PLD5: variants seen among roughly 807,000 people sequenced by gnomAD.
PLD5 encodes inactive phospholipase D5.
A neutral mutation model predicts 61.1 loss-of-function variants in PLD5; 36 were observed. That is an observed-to-expected ratio of 0.59 (90% CI 0.45 to 0.78). The LOEUF (loss-of-function observed/expected upper bound fraction) is 0.78. Ranked by LOEUF, PLD5 falls within the 30% of genes least tolerant of loss-of-function variation. The pLI, the probability that PLD5 is intolerant of heterozygous loss-of-function variation, is 0.00. For missense variants in PLD5, 515 were observed against 644.4 expected, an observed-to-expected ratio of 0.80 and a Z score of 2.17; for synonymous variants, 243 against 242.8, an observed-to-expected ratio of 1.00 and a Z score of -0.01.
chr1:242,107,616 C>T, intron 8 of PLD5, 55 bp downstream of exon 8: 1 of 1,465,944 alleles, frequency 6.8e-7, no homozygotes, highest in South Asian at 1.4e-5. Flanking sequence ...AGCTTTCACA[C>T]ACATGCAGAG....
chr1:242,456,386 T>C (rs1385468812), intron 1 of PLD5, among the ~76,000 whole-genome samples: 1 of 152,190 alleles, frequency 6.6e-6, no homozygotes, highest in East Asian at 1.9e-4. Flanking sequence ...AAGAGTCCCA[T>C]GTGGCTGGTG....
intron 1 of PLD5, among the ~76,000 whole-genome samples, chr1:242,501,759 C>G (rs1572254942): frequency 6.8e-6 from 1 of 147,328 alleles, no homozygotes; most frequent in African/African-American, 2.5e-5. Context: ...CTTATTTGTT[C>G]AATCTAAAAT....
At chr1:242,326,827 C>T (rs1251332845) in intron 2 of PLD5, among the ~76,000 whole-genome samples, 2 of 151,854 alleles carry the variant, frequency 1.3e-5, no homozygotes, top group Non-Finnish European at 2.9e-5. Context: ...CCACCTCAAC[C>T]TCCCAAGTAG....
At chr1:242,357,803 T>C (rs1660842175) in intron 1 of PLD5, among the ~76,000 whole-genome samples, 2 of 152,160 alleles carry the variant, frequency 1.3e-5, no homozygotes, top group South Asian at 2.1e-4. Flanking sequence ...GACTTTTTGA[T>C]CCAATATTTC....
chr1:242,347,444 C>T (rs1175558909), intron 2 of PLD5, among the ~76,000 whole-genome samples: 21 of 152,212 alleles, frequency 1.4e-4, no homozygotes, highest in South Asian at 4.2e-4. Context: ...TCACCCTCCC[C>T]GAACCTGAAA....
chr1:242,476,841 G>A (rs1287913710), intron 1 of PLD5, among the ~76,000 whole-genome samples: 1 of 152,130 alleles, frequency 6.6e-6, no homozygotes, highest in Non-Finnish European at 1.5e-5. Flanking sequence ...GTCCACTACT[G>A]CAGTTCACAC....
At position 242,337,741 on chromosome 1, in the gene PLD5, ACTT is replaced by A. The variant is rs540249749; in HGVS notation, c.326+10362_326+10364del. ...CTGTCTCACAGCAGCATGGAAGAAAACTTCTCATCAGTTTATAAATGGGAGTAC... is the reference window on the plus strand; with the variant it reads ...CTGTCTCACAGCAGCATGGAAGAAAACTCATCAGTTTATAAATGGGAGTAC... On this transcript the variant is annotated intron_variant, in intron 2 of 9. Coordinates refer to ENST00000536534, the MANE Select transcript of PLD5 (RefSeq NM_001372062.1). Among the ~76,000 whole-genome samples the A allele has an allele frequency of 1.6e-4, 25 of 152,322 alleles. 2 individuals are homozygous for A. The South Asian group carries it at 5.0e-3, about 30-fold the overall frequency.
chr1:242,293,846 T>C (rs1433207375), intron 2 of PLD5, among the ~76,000 whole-genome samples: 1 of 152,230 alleles, frequency 6.6e-6, no homozygotes, highest in East Asian at 1.9e-4. Context: ...CTGGGACGCA[T>C]GGCTGTTTCT....
At chr1:242,152,698 G>C (rs1665024974) in intron 5 of PLD5, among the ~76,000 whole-genome samples, 1 of 151,872 alleles carries the variant, frequency 6.6e-6, no homozygotes, top group Non-Finnish European at 1.5e-5. Context: ...TCCTTTTTTT[G>C]TGGCTGCGTA....
intron 3 of PLD5, among the ~76,000 whole-genome samples, chr1:242,287,255 AC>A (rs1675079546): frequency 6.6e-6 from 1 of 151,826 alleles, no homozygotes. Context: ...CAGGCAACCC[AC>A]CCCAGCCAAT....
intron 5 of PLD5, among the ~76,000 whole-genome samples, chr1:242,126,156 G>C (rs1284131303): frequency 6.6e-6 from 1 of 151,992 alleles, no homozygotes; most frequent in East Asian, 1.9e-4. Flanking sequence ...ACTGCTGAAA[G>C]AATAGATGAC....
intron 4 of PLD5, among the ~76,000 whole-genome samples, chr1:242,242,028 CACACACACACACACACAT>C (rs1672086814): frequency 6.8e-6 from 1 of 147,056 alleles, no homozygotes; most frequent in South Asian, 2.2e-4. Context: ...CACACACACA[CACACACACACACACACAT>C]ATGGTTGATG....
At chr1:242,317,035 T>C (rs1438892262) in intron 2 of PLD5, among the ~76,000 whole-genome samples, 1 of 150,630 alleles carries the variant, frequency 6.6e-6, no homozygotes, top group African/African-American at 2.4e-5. Context: ...TGAGACAGAG[T>C]CTTGCTCTTT....
upstream of PLD5, among the ~76,000 whole-genome samples, chr1:242,528,158 T>A (rs1479736549): frequency 6.6e-6 from 1 of 152,242 alleles, no homozygotes. Flanking sequence ...ATCCTTTAAT[T>A]ACTAAATTGT....
chr1:242,187,820 G>A (rs1198181455), intron 5 of PLD5, among the ~76,000 whole-genome samples: 1 of 152,220 alleles, frequency 6.6e-6, no homozygotes. Context: ...AAAGACGTAA[G>A]AGATGAAATA....
At chr1:242,167,055 G>T (rs1329111666) in intron 5 of PLD5, among the ~76,000 whole-genome samples, 1 of 125,412 alleles carries the variant, frequency 8.0e-6, no homozygotes. Context: ...GTAGCCTTTT[G>T]AGAGTGAGAG....
chr1:242,115,656 T>TA (rs11311583), intron 6 of PLD5, among the ~76,000 whole-genome samples: 18 of 138,994 alleles, frequency 1.3e-4, no homozygotes, highest in Non-Finnish European at 2.0e-4. Flanking sequence ...ACTCAAAATC[T>TA]AAAAAAAAAA....
chr1:242,294,665 C>T (rs180700264), intron 2 of PLD5, among the ~76,000 whole-genome samples: 1 of 152,244 alleles, frequency 6.6e-6, no homozygotes, highest in East Asian at 1.9e-4. Context: ...AATCTGTTCC[C>T]ACTTCTGAGC....
intron 1 of PLD5, among the ~76,000 whole-genome samples, chr1:242,451,808 A>G (rs1666790637): frequency 6.6e-6 from 1 of 151,538 alleles, no homozygotes; most frequent in Admixed American, 6.6e-5. Context: ...AACCGAGACT[A>G]CTCTCCATGG....
Sources: allele counts gnomAD v4.1 joint callset (sites outside exome capture counted in the v4.1 genomes callset), GRCh38; gene constraint gnomAD v4.1.1; transcripts MANE v1.5; gene names NCBI Gene and HGNC (gene_info 2026-07-23, HGNC 2026-07-21).